ASH1L: variants seen among roughly 807,000 people sequenced by gnomAD.
ASH1L encodes histone-lysine N-methyltransferase ASH1L.
ASH1L carries 23 observed loss-of-function variants against 269.0 expected under a neutral mutation model. The ratio of observed to expected loss-of-function variants is 0.09; its 90% CI spans 0.06 to 0.12. ASH1L has a LOEUF of 0.12. ASH1L is among the 10% of genes least tolerant of loss of function. ASH1L has a pLI of 1.00. For missense variants in ASH1L, 2,912 were observed against 3,567.8 expected, an observed-to-expected ratio of 0.82 and a Z score of 4.68; for synonymous variants, 1,187 against 1,253.5, an observed-to-expected ratio of 0.95 and a Z score of 1.12.
At chr1:155,440,641 T>C in intron 4 of ASH1L, 1 of 348,192 alleles carries the variant, frequency 2.9e-6, no homozygotes. Flanking sequence ...TCTCCAACCT[T>C]TAAATGCTAT....
intron 17 of ASH1L, among the ~76,000 whole-genome samples, chr1:155,351,813 T>G (rs1653953718): frequency 6.6e-6 from 1 of 151,300 alleles, no homozygotes; most frequent in African/African-American, 2.4e-5. Context: ...ATCATGCCAC[T>G]GCACTCCAGC....
chr1:155,353,099 G>GT (rs1654073018), intron 16 of ASH1L, among the ~76,000 whole-genome samples: 2 of 152,196 alleles, frequency 1.3e-5, no homozygotes, highest in South Asian at 4.1e-4. Context: ...TATAGCAGTT[G>GT]TAAGTCTGGG....
chr1:155,428,641 T>TTAAAGGCGTTCTTAAACCACAAACAA (rs1661362555), intron 5 of ASH1L, among the ~76,000 whole-genome samples: 1 of 152,146 alleles, frequency 6.6e-6, no homozygotes, highest in Admixed American at 6.5e-5. Context: ...GGAAAACCGC[T>TTAAAGGCGTTCTTAAACCACAAACAA]TAAAGGCGTT....
At chr1:155,456,886 C>T (rs1663901206) in intron 4 of ASH1L, among the ~76,000 whole-genome samples, 2 of 152,186 alleles carry the variant, frequency 1.3e-5, no homozygotes, top group Non-Finnish European at 2.9e-5. Context: ...CCACCCCCCA[C>T]CGCCAAAAGG....
chr1:155,379,904 T>C (rs1656790359), intron 8 of ASH1L, 139 bp downstream of exon 8: 2 of 562,568 alleles, frequency 3.6e-6, no homozygotes. Flanking sequence ...TTCATTTTTC[T>C]TAGTCCTAAC....
In ASH1L at chr1:155,481,836, C is replaced by G; in HGVS notation, c.1034G>C (p.Gly345Ala). ...SKDSGKKLGI[G>A]IVPGLVHKES... Reference sequence around the variant, plus strand: ...TTTATGCACTAAACCTGGAACAATACCAATTCCTAGCTTCTTTCCTGAATC... The same window carrying G: ...TTTATGCACTAAACCTGGAACAATAGCAATTCCTAGCTTCTTTCCTGAATC... The change falls in exon 3 of 28, where the codon GGT (glycine) becomes GCT (alanine). Residue 345 changes from glycine to alanine, a missense_variant. Physicochemically the swap from Gly to Ala is moderately conservative, Grantham distance 60 (BLOSUM62 0). This residue lies in a region of ASH1L where 277 missense variants were observed against 367.7 expected (regional missense o/e 0.75). Transcript: ENST00000392403. The G allele has an allele frequency of 1.9e-6, 3 of 1,614,204 alleles. No individual in the cohort carries two copies. Among genetic ancestry groups the G allele is most frequent in the Non-Finnish European group, 2.5e-6 (3 of 1,180,032 alleles).
intron 12 of ASH1L, among the ~76,000 whole-genome samples, chr1:155,360,924 T>C (rs910252979): frequency 3.3e-5 from 5 of 151,634 alleles, no homozygotes; most frequent in African/African-American, 9.7e-5. Flanking sequence ...GAGGTTGAGG[T>C]GGGAGGATCA....
chr1:155,409,450 A>T (rs938680739), intron 6 of ASH1L, among the ~76,000 whole-genome samples: 1 of 152,190 alleles, frequency 6.6e-6, no homozygotes, highest in African/African-American at 2.4e-5. Context: ...TGGTTTATGT[A>T]CCAATTACAA....
chr1:155,529,299 C>T (rs1001940717), intron 1 of ASH1L, among the ~76,000 whole-genome samples: 9 of 151,822 alleles, frequency 5.9e-5, no homozygotes, highest in Admixed American at 5.3e-4. Flanking sequence ...CTAATTTACA[C>T]TCCCACCAAT....
intron 4 of ASH1L, among the ~76,000 whole-genome samples, chr1:155,439,844 T>G (rs193006121): frequency 7.9e-5 from 12 of 151,962 alleles, no homozygotes; most frequent in Admixed American, 7.9e-4. Flanking sequence ...TAGATATTCC[T>G]TTATTAGCCT....
intron 10 of ASH1L, 21 bp from the exon 11 acceptor site, chr1:155,371,004 T>C (rs771954454): frequency 6.2e-7 from 1 of 1,611,872 alleles, no homozygotes; most frequent in South Asian, 1.1e-5. Flanking sequence ...AAGGAATAAC[T>C]GTACATCAAC....
intron 5 of ASH1L, among the ~76,000 whole-genome samples, chr1:155,432,085 C>T (rs1661653451): frequency 6.6e-6 from 1 of 152,142 alleles, no homozygotes; most frequent in Non-Finnish European, 1.5e-5. Context: ...TGACCAAAAT[C>T]TTTAATATAT....
At position 155,343,431 on chromosome 1, in the gene ASH1L, A is replaced by T. The variant is rs781703763; in HGVS notation, c.8176T>A (p.Ser2726Thr). The T allele has an allele frequency of 1.2e-6, 2 of 1,614,126 alleles. No individual in the cohort carries two copies. Among genetic ancestry groups the T allele is most frequent in the Non-Finnish European group, 1.7e-6 (2 of 1,180,024 alleles). Reference protein sequence around the residue: ...HYFRPHETHHSPSRRFYHNEL... With the variant: ...HYFRPHETHHTPSRRFYHNEL... ...TTATGATAGAACCGACGGGATGGAG[A>T]GTGGTGTGTTTCGTGGGGACGGAAA... is the stretch of plus-strand genomic sequence containing the variant. Residue 2726 changes from serine (S) to threonine (T), a missense_variant, in exon 24 of 28, where the codon TCT becomes ACT. Around this residue, in one of 13 missense-constraint regions of ASH1L, gnomAD observed 179 missense variants for 293.8 expected, o/e 0.61. Transcript: ENST00000392403. This position sits in a 1 kb window ranked among gnomAD's most constrained non-coding sequence, Gnocchi z 6.1.
chr1:155,486,531 TAA>T (rs1185844014), intron 2 of ASH1L, among the ~76,000 whole-genome samples: 5 of 151,962 alleles, frequency 3.3e-5, no homozygotes, highest in South Asian at 2.1e-4. Flanking sequence ...TTGAAATAAC[TAA>T]AAGAGTATAA....
At position 155,479,323 on chromosome 1, in the gene ASH1L, C is replaced by G. The variant is rs778728357; in HGVS notation, c.3547G>C (p.Ala1183Pro). The change falls in exon 3 of 28, where the codon GCT becomes CCT. Residue 1183 changes from alanine (A) to proline (P), a missense_variant. Physicochemically the swap from Ala to Pro is conservative, Grantham distance 27. Coordinates refer to ENST00000392403, the MANE Select transcript of ASH1L (RefSeq NM_018489.3). Reference sequence around the variant, plus strand: ...GACTCACTGATTGGGGAAGGAGTAGCTTCTTTTAGAGATGTGAGTTCACTC... The same window carrying G: ...GACTCACTGATTGGGGAAGGAGTAGGTTCTTTTAGAGATGTGAGTTCACTC... The part of the protein sequence containing the change: ...HLSELTSLKE[A>P]TPSPISESHS... The G allele has an allele frequency of 6.2e-7, 1 of 1,614,076 alleles. No homozygotes were observed. The highest frequency in any genetic ancestry group is 1.1e-5 in the South Asian group (1 of 91,076).
At chr1:155,524,439 G>A (rs1041636326) in intron 1 of ASH1L, among the ~76,000 whole-genome samples, 4 of 150,762 alleles carry the variant, frequency 2.7e-5, no homozygotes, top group Non-Finnish European at 5.9e-5. Context: ...GGAGAATGGC[G>A]TGAATCTGGG....
chr1:155,436,355 C>T (rs1433657511), intron 5 of ASH1L, among the ~76,000 whole-genome samples: 1 of 151,718 alleles, frequency 6.6e-6, no homozygotes, highest in Non-Finnish European at 1.5e-5. Context: ...CCATGCCCAG[C>T]TAATTTTGTA....
intron 1 of ASH1L, among the ~76,000 whole-genome samples, chr1:155,560,187 T>C (rs1451588582): frequency 6.6e-6 from 1 of 152,224 alleles, no homozygotes; most frequent in African/African-American, 2.4e-5. Context: ...GGCTCTATTT[T>C]ATTACATTTT....
upstream of ASH1L, chr1:155,562,895 CCAG>C: frequency 2.2e-6 from 1 of 452,558 alleles, no homozygotes; most frequent in Non-Finnish European, 4.4e-6. Context: ...GCCGCCGCCG[CCAG>C]CCCCCCCTAC....
Sources: gnomAD v4.1 joint callset for allele counts (sites outside exome capture counted in the v4.1 genomes callset) on GRCh38, gnomAD v4.1.1 for gene constraint, gnomAD v4.1.1 regional missense constraint, Gnocchi (gnomAD v3.1) non-coding constraint, MANE v1.5 for transcripts, NCBI Gene and HGNC (gene_info 2026-07-23, HGNC 2026-07-21) for gene names.